The following DLGAP2 variants were observed in gnomAD, a reference collection of about 807,000 sequenced individuals.
The protein encoded by DLGAP2 is disks large-associated protein 2.
DLGAP2 carries 26 observed loss-of-function variants against 100.3 expected under a neutral mutation model. That is an observed-to-expected ratio of 0.26 (90% CI 0.19 to 0.36). DLGAP2 has a LOEUF of 0.36. DLGAP2 is among the 10% of genes least tolerant of loss of function. The pLI is 1.00. For missense variants in DLGAP2, 1,858 were observed against 1,453.2 expected (o/e 1.28, Z -4.53); for synonymous variants, 886 against 630.1 (o/e 1.41, Z -6.08).
chr8:1,504,230 G>T (rs114258019), intron 4 of DLGAP2, among the ~76,000 whole-genome samples: 2 of 151,860 alleles, frequency 1.3e-5, no homozygotes, highest in South Asian at 4.2e-4. Context: ...TGGAAGAAAC[G>T]CTTCTTGTTT....
At chr8:1,012,407 T>C (rs1420688051) in intron 2 of DLGAP2, among the ~76,000 whole-genome samples, 1 of 152,266 alleles carries the variant, frequency 6.6e-6, no homozygotes, top group Non-Finnish European at 1.5e-5. Flanking sequence ...ACCCACAGGC[T>C]GCTGCGCGAG....
At chr8:889,219 G>A (rs1244287676) in intron 1 of DLGAP2, among the ~76,000 whole-genome samples, 2 of 152,194 alleles carry the variant, frequency 1.3e-5, no homozygotes, top group Admixed American at 6.5e-5. Context: ...GGCAGGAACC[G>A]GCCATGTGGA....
intron 4 of DLGAP2, among the ~76,000 whole-genome samples, chr8:1,513,893 C>G (rs1399109867): frequency 6.6e-6 from 1 of 152,226 alleles, no homozygotes; most frequent in Admixed American, 6.5e-5. Context: ...CCTTCCTTCC[C>G]TCCTTCATTC....
intron 5 of DLGAP2, among the ~76,000 whole-genome samples, chr8:1,563,574 T>G (rs1481511203): frequency 6.6e-6 from 1 of 152,032 alleles, no homozygotes; most frequent in Admixed American, 6.5e-5. Flanking sequence ...GCTGCGGGAC[T>G]GTGTGGTGTT....
In DLGAP2 at chr8:1,703,806, C is replaced by T. The variant is rs1053771689; in HGVS notation, c.*2400C>T. On this transcript the variant is annotated 3_prime_UTR_variant, in exon 15 of 15. Transcript: ENST00000637795. ...AGACTCATTGTTATTTTTCAATCCC[C>T]AAAAGTCTTGGCCTAAACCATCCCT... 6.6e-6 allele frequency: 1 copy of T among 152,506 alleles called. No individual in the cohort carries two copies. Among genetic ancestry groups the T allele is most frequent in the Non-Finnish European group, 1.5e-5 (1 of 68,018 alleles). The allele number at this position is 152,506 out of a possible 1,614,324, so 9.4% of individuals were successfully genotyped here. A position where few individuals can be genotyped will look rare whatever the true frequency, so the allele number is the denominator to read the frequency against.
chr8:1,518,399 C>G (rs963623726), intron 4 of DLGAP2, among the ~76,000 whole-genome samples: 1 of 152,222 alleles, frequency 6.6e-6, no homozygotes, highest in African/African-American at 2.4e-5. Flanking sequence ...TTAAGATGGA[C>G]TTTTAAATAC....
intron 8 of DLGAP2, among the ~76,000 whole-genome samples, chr8:1,634,264 C>T (rs541914043): frequency 2.0e-5 from 3 of 152,066 alleles, no homozygotes; most frequent in South Asian, 4.2e-4. Flanking sequence ...TGTGGATCCT[C>T]GGTGTGCTTT....
At chr8:794,002 T>TG (rs1419011788) in intron 1 of DLGAP2, among the ~76,000 whole-genome samples, 2 of 152,108 alleles carry the variant, frequency 1.3e-5, no homozygotes, top group South Asian at 2.1e-4. Flanking sequence ...GGCCTGTGGG[T>TG]GGGGGGTGTT....
chr8:1,300,659 A>C (rs1312385007), intron 3 of DLGAP2: 1 of 152,224 alleles, frequency 6.6e-6, no homozygotes, highest in Non-Finnish European at 1.5e-5. Context: ...CCTCCTTGAC[A>C]TCTAAGCTGC....
intron 2 of DLGAP2, among the ~76,000 whole-genome samples, chr8:1,163,379 C>CG (rs1438572490): frequency 6.6e-6 from 1 of 152,218 alleles, no homozygotes; most frequent in Non-Finnish European, 1.5e-5. Context: ...AGCGGGTCCG[C>CG]GGTTCCGGCT....
At chr8:1,113,484 G>T (rs937418695) in intron 2 of DLGAP2, among the ~76,000 whole-genome samples, 1 of 152,098 alleles carries the variant, frequency 6.6e-6, no homozygotes, top group African/African-American at 2.4e-5. Flanking sequence ...TTACCTTCCT[G>T]ATTTAGCTCT....
intron 3 of DLGAP2, among the ~76,000 whole-genome samples, chr8:1,361,375 ATCTT>A (rs1801978933): frequency 6.6e-6 from 1 of 152,206 alleles, no homozygotes; most frequent in Non-Finnish European, 1.5e-5. Context: ...ACTTGGATTT[ATCTT>A]TCTTAGTGCT....
chr8:1,686,954 A>T lies in DLGAP2; in HGVS notation c.2705-4581A>T, dbSNP rs534537052. The stretch of plus-strand genomic sequence containing the variant: ...CTGATTTGATCTTAGCACACTGTAG[A>T]CATCTGTTCAAATATCATATGTGCC... On this transcript the variant is annotated intron_variant, in intron 12 of 14. Coordinates refer to ENST00000637795, the MANE Select transcript of DLGAP2 (RefSeq NM_001346810.2). Among the ~76,000 whole-genome samples the T allele has an allele frequency of 2.5e-3, 380 of 152,316 alleles. 1 individual carries two copies. The highest frequency in any genetic ancestry group is 4.3e-3 in the Non-Finnish European group (294 of 68,024).
chr8:1,666,497 A>T (rs1247777721), intron 8 of DLGAP2, among the ~76,000 whole-genome samples: 2 of 152,118 alleles, frequency 1.3e-5, no homozygotes, highest in Non-Finnish European at 2.9e-5. Flanking sequence ...GCTGGCCCAC[A>T]TGGTGAAACC....
chr8:1,522,337 A>C lies in DLGAP2; in HGVS notation c.172+20906A>C, dbSNP rs147005897. 1.3e-3 allele frequency among the ~76,000 whole-genome samples: 203 copies of C among 152,306 alleles called. 3 individuals carry two copies. Among genetic ancestry groups the C allele is most frequent in the African/African-American group, 4.8e-3 (199 of 41,560 alleles). On this transcript the variant is annotated intron_variant, in intron 4 of 14. Coordinates refer to ENST00000637795, the MANE Select transcript of DLGAP2 (RefSeq NM_001346810.2). ...AATATGCCTTGTGGTAGTTTTGCTG[A>C]AAGCCGAAACAGCTGAGTGCATGGG... is the stretch of plus-strand genomic sequence containing the variant.
In DLGAP2 at chr8:809,877, C is replaced by T. The variant is rs572914647; in HGVS notation, c.18+72052C>T. Among the ~76,000 whole-genome samples, 41 of 152,302 alleles carry T rather than the reference C, an allele frequency of 2.7e-4. 1 individual carries two copies. In the South Asian group the frequency reaches 4.6e-3, roughly 17 times the overall value. On this transcript the variant is annotated intron_variant, in intron 1 of 14. Coordinates refer to ENST00000637795, the MANE Select transcript of DLGAP2 (RefSeq NM_001346810.2). ...TTTGTCATGGGAAGTACCAGTCTGT[C>T]GTCCGTCTGGCTCTGACTCGCCCAG... is the stretch of plus-strand genomic sequence containing the variant.
chr8:1,208,466 A>AGG (rs1329440020), intron 2 of DLGAP2, among the ~76,000 whole-genome samples: 1 of 152,238 alleles, frequency 6.6e-6, no homozygotes, highest in Non-Finnish European at 1.5e-5. Context: ...TTGGCATAGA[A>AGG]GGGACATACT....
intron 3 of DLGAP2, among the ~76,000 whole-genome samples, chr8:1,457,975 CATATATATATATAT>C (rs57897392): frequency 0.05 from 5,392 of 107,710 alleles, 229 homozygotes; most frequent in African/African-American, 0.088. Flanking sequence ...GTTCTCTGAT[CATATATATATATAT>C]ATATATATAT....
intron 2 of DLGAP2, among the ~76,000 whole-genome samples, chr8:1,091,806 G>A (rs1268010527): frequency 8.0e-5 from 11 of 137,350 alleles, no homozygotes; most frequent in Non-Finnish European, 1.4e-4. Context: ...CTACCCCTCC[G>A]CAGCCCCTGT....
Sources: gnomAD v4.1 joint callset for allele counts (sites outside exome capture counted in the v4.1 genomes callset) on GRCh38, gnomAD v4.1.1 for gene constraint, MANE v1.5 for transcripts, NCBI Gene and HGNC (gene_info 2026-07-23, HGNC 2026-07-21) for gene names.